CSMD3: variants seen among roughly 807,000 people sequenced by gnomAD.
CSMD3 encodes CUB and Sushi multiple domains 3.
In CSMD3, 177 loss-of-function variants were observed where a neutral mutation model predicts 435.2. The observed-to-expected ratio is 0.41, with a 90% CI of 0.36 to 0.46. The LOEUF (loss-of-function observed/expected upper bound fraction) is 0.46. Ranked by LOEUF, CSMD3 falls within the 20% of genes least tolerant of loss-of-function variation. CSMD3 has a pLI of 0.34. For missense variants in CSMD3, 4,265 were observed against 4,504.6 expected (o/e 0.95, Z 1.52); for synonymous variants, 1,656 against 1,520.5 (o/e 1.09, Z -2.07).
At chr8:112,364,020 T>C (rs978365564) in intron 38 of CSMD3, among the ~76,000 whole-genome samples, 5 of 152,030 alleles carry the variant, frequency 3.3e-5, no homozygotes, top group Non-Finnish European at 5.9e-5. Context: ...ATCAATTATA[T>C]AATTAGCTCA....
At chr8:112,484,434 G>A (rs2130812075) in intron 31 of CSMD3, among the ~76,000 whole-genome samples, 2 of 151,866 alleles carry the variant, frequency 1.3e-5, no homozygotes, top group Middle Eastern at 6.8e-3. Flanking sequence ...AACAGTTACT[G>A]TTATATACTT....
intron 38 of CSMD3, among the ~76,000 whole-genome samples, chr8:112,376,682 A>T (rs572346805): frequency 6.6e-6 from 1 of 152,292 alleles, no homozygotes; most frequent in East Asian, 1.9e-4. Flanking sequence ...GGACACCAGC[A>T]TCAGTGTAGG....
intron 27 of CSMD3, among the ~76,000 whole-genome samples, chr8:112,529,591 AAAAC>A (rs1448492859): frequency 6.6e-6 from 1 of 152,084 alleles, no homozygotes; most frequent in Non-Finnish European, 1.5e-5. Flanking sequence ...CTGCCTCAAA[AAAAC>A]AAACCAACAA....
intron 36 of CSMD3, among the ~76,000 whole-genome samples, chr8:112,389,212 AG>A (rs1181101852): frequency 6.6e-6 from 1 of 152,186 alleles, no homozygotes; most frequent in Non-Finnish European, 1.5e-5. Context: ...AAAACATGTC[AG>A]GGTTTTCAAA....
At chr8:112,917,026 T>C (rs539560156) in intron 10 of CSMD3, among the ~76,000 whole-genome samples, 1 of 152,076 alleles carries the variant, frequency 6.6e-6, no homozygotes, top group African/African-American at 2.4e-5. Context: ...GTCTATCATA[T>C]AACCTGTACA....
At chr8:112,300,456 C>T (rs773230180) in intron 53 of CSMD3, among the ~76,000 whole-genome samples, 1 of 151,672 alleles carries the variant, frequency 6.6e-6, no homozygotes, top group Non-Finnish European at 1.5e-5. Flanking sequence ...CATATTAATA[C>T]ATAATCATTT....
At chr8:112,592,442 A>C (rs1831273030) in intron 22 of CSMD3, among the ~76,000 whole-genome samples, 1 of 152,062 alleles carries the variant, frequency 6.6e-6, no homozygotes, top group African/African-American at 2.4e-5. Flanking sequence ...ATTTTAAAAA[A>C]AGAGTTTAAA....
At chr8:112,469,840 T>C (rs938903408) in intron 32 of CSMD3, among the ~76,000 whole-genome samples, 1 of 152,020 alleles carries the variant, frequency 6.6e-6, no homozygotes, top group African/African-American at 2.4e-5. Flanking sequence ...CATCTGTATA[T>C]GAAACATATA....
chr8:113,023,335 T>C (rs564804008), intron 5 of CSMD3, among the ~76,000 whole-genome samples: 5 of 152,162 alleles, frequency 3.3e-5, no homozygotes, highest in African/African-American at 9.6e-5. Flanking sequence ...TTCACATCAT[T>C]ACCTCCATGA....
chr8:112,986,470 T>C (rs2085257673), intron 6 of CSMD3, among the ~76,000 whole-genome samples: 1 of 152,142 alleles, frequency 6.6e-6, no homozygotes, highest in Non-Finnish European at 1.5e-5. Context: ...CATGAAAGCA[T>C]CATTTTATTA....
At chr8:112,456,937 A>G (rs1223606399) in intron 32 of CSMD3, among the ~76,000 whole-genome samples, 4 of 152,162 alleles carry the variant, frequency 2.6e-5, no homozygotes, top group Non-Finnish European at 5.9e-5. Flanking sequence ...TCAGTCAAAT[A>G]TGAATTATAA....
At chr8:113,108,069 A>G (rs918725709) in intron 4 of CSMD3, among the ~76,000 whole-genome samples, 5 of 152,216 alleles carry the variant, frequency 3.3e-5, no homozygotes, top group Admixed American at 3.3e-4. Flanking sequence ...TAGGAATAGT[A>G]TGTTAAATGG....
At chr8:112,514,220 T>C (rs889496134) in intron 28 of CSMD3, among the ~76,000 whole-genome samples, 2 of 152,156 alleles carry the variant, frequency 1.3e-5, no homozygotes, top group Non-Finnish European at 2.9e-5. Flanking sequence ...TATATTTCAA[T>C]GCTGTGGTTG....
At chr8:112,668,529 C>A (rs1473358891) in intron 16 of CSMD3, among the ~76,000 whole-genome samples, 1 of 151,872 alleles carries the variant, frequency 6.6e-6, no homozygotes, top group Non-Finnish European at 1.5e-5. Context: ...CCACTCAGTG[C>A]AAAATGTGAG....
At chr8:112,419,445 A>G (rs1812249360) in intron 32 of CSMD3, among the ~76,000 whole-genome samples, 1 of 152,204 alleles carries the variant, frequency 6.6e-6, no homozygotes, top group Non-Finnish European at 1.5e-5. Context: ...AAAAAATTCA[A>G]TGATTTGACT....
At chr8:112,656,429 T>A in intron 17 of CSMD3, 88 bp from the exon 18 acceptor site, 1 of 973,842 alleles carries the variant, frequency 1.0e-6, no homozygotes, top group East Asian at 2.8e-5. Context: ...AAATTCCTAT[T>A]TAAAATTTTT....
intron 67 of CSMD3, among the ~76,000 whole-genome samples, chr8:112,235,845 C>A (rs1022096981): frequency 6.6e-6 from 1 of 151,870 alleles, no homozygotes; most frequent in Admixed American, 6.6e-5. Flanking sequence ...TAAGTGAAAG[C>A]GAATTAATCT....
Position 113,068,558 on chromosome 8 carries a change from G to A in CSMD3, c.917+30198C>T, listed in dbSNP as rs55637339. ...TAGGACTGTGCCAACAATCATCTTTGTGTACCTGGTTAGAAATGTCAACTG... is the reference window on the plus strand; with the variant it reads ...TAGGACTGTGCCAACAATCATCTTTATGTACCTGGTTAGAAATGTCAACTG... On this transcript the variant is annotated intron_variant, in intron 5 of 70. Coordinates refer to ENST00000297405, the MANE Select transcript of CSMD3 (RefSeq NM_198123.2). 7.7e-3 allele frequency among the ~76,000 whole-genome samples: 1,178 copies of A among 152,080 alleles called. 19 individuals carry two copies. Among genetic ancestry groups the A allele is most frequent in the African/African-American group, 0.027 (1,128 of 41,484 alleles).
intron 4 of CSMD3, among the ~76,000 whole-genome samples, chr8:113,110,062 C>G (rs1361634253): frequency 6.6e-6 from 1 of 152,174 alleles, no homozygotes; most frequent in South Asian, 2.1e-4. Flanking sequence ...TGTAGCCTGG[C>G]CTTATGATGG....
Sources: allele counts gnomAD v4.1 joint callset (sites outside exome capture counted in the v4.1 genomes callset), GRCh38; gene constraint gnomAD v4.1.1; transcripts MANE v1.5; gene names NCBI Gene and HGNC (gene_info 2026-07-23, HGNC 2026-07-21).